The following GRHL2 variants were observed in gnomAD, a reference collection of about 807,000 sequenced individuals.
The protein encoded by GRHL2 is grainyhead like transcription factor 2, also known as grainyhead-like protein 2 homolog.
In GRHL2, 21 loss-of-function variants were observed where a neutral mutation model predicts 83.8. That is an observed-to-expected ratio of 0.25 (90% CI 0.18 to 0.36). The LOEUF (loss-of-function observed/expected upper bound fraction) is 0.36, where lower values mean the gene tolerates loss of function less well. GRHL2 is among the 10% of genes least tolerant of loss of function. The pLI, the probability that GRHL2 is intolerant of heterozygous loss-of-function variation, is 1.00. For missense variants in GRHL2, 623 were observed against 781.8 expected (o/e 0.80, Z 2.42); for synonymous variants, 280 against 278.9 (o/e 1.00, Z -0.04).
Position 101,666,762 on chromosome 8 carries a change from C to G in GRHL2, c.*59C>G. On this transcript the variant is annotated 3_prime_UTR_variant, in exon 16 of 16. Coordinates refer to ENST00000646743, the MANE Select transcript of GRHL2 (RefSeq NM_024915.4). ...TCAGTGCGTTCCTCCCTGAGAGAGA[C>G]AGAAGCCCCAGCCCCAGAACCTGGA... 1.0e-6 allele frequency: 1 copy of G among 993,570 alleles called. No individual in the cohort carries two copies. Among genetic ancestry groups the G allele is most frequent in the East Asian group, 2.4e-5 (1 of 41,896 alleles). The allele number at this position is 993,570 out of a possible 1,614,324, so 61.5% of individuals were successfully genotyped here. A position where few individuals can be genotyped will look rare whatever the true frequency, so the allele number is the denominator to read the frequency against.
chr8:101,494,190 T>C (rs1586388818), intron 1 of GRHL2, among the ~76,000 whole-genome samples: 2 of 151,738 alleles, frequency 1.3e-5, no homozygotes, highest in African/African-American at 4.8e-5. Context: ...CATGGAGAAG[T>C]GGCGGGGACC....
chr8:101,643,369 CAAAAAAAAAAAAA>C (rs56301334), intron 12 of GRHL2, among the ~76,000 whole-genome samples: 2 of 96,988 alleles, frequency 2.1e-5, no homozygotes, highest in African/African-American at 3.6e-5. Context: ...CTGTTTCTCT[CAAAAAAAAAAAAA>C]AAAAAAAAAA....
chr8:101,662,649 A>T (rs910481723), intron 14 of GRHL2, among the ~76,000 whole-genome samples: 1 of 152,240 alleles, frequency 6.6e-6, no homozygotes. Context: ...TAGAGAGGGT[A>T]TGAAAGACAT....
chr8:101,633,089 T>C (rs1813220152), intron 11 of GRHL2, among the ~76,000 whole-genome samples: 1 of 152,216 alleles, frequency 6.6e-6, no homozygotes, highest in Admixed American at 6.5e-5. Flanking sequence ...GTTCATATTA[T>C]GATCCCAAAT....
At chr8:101,559,011 G>T (rs887720665) in intron 4 of GRHL2, among the ~76,000 whole-genome samples, 199 bp downstream of exon 4, 2 of 152,100 alleles carry the variant, frequency 1.3e-5, no homozygotes, top group African/African-American at 4.8e-5. Context: ...GTATGTGTAT[G>T]GAGGAATATT....
At chr8:101,607,610 A>G (rs1812657490) in intron 8 of GRHL2, among the ~76,000 whole-genome samples, 1 of 152,224 alleles carries the variant, frequency 6.6e-6, no homozygotes. Flanking sequence ...ATTACAGAAC[A>G]TATCTCATGG....
At position 101,666,715 on chromosome 8, in the gene GRHL2, GC is replaced by G; in HGVS notation, c.*13del. The G allele has an allele frequency of 6.5e-7, 1 of 1,550,160 alleles. No individual in the cohort carries two copies. The highest frequency in any genetic ancestry group is 8.9e-7 in the Non-Finnish European group (1 of 1,121,834). ...TCATGGAAATCTAGCCCTGGGTTTG[GC>G]ATCCGCTTTGGCTGGAGCTCTCAGT... On this transcript the variant is annotated 3_prime_UTR_variant, in exon 16 of 16. Coordinates refer to ENST00000646743, the MANE Select transcript of GRHL2 (RefSeq NM_024915.4).
chr8:101,610,673 T>G (rs780215312), intron 8 of GRHL2, among the ~76,000 whole-genome samples: 8 of 151,044 alleles, frequency 5.3e-5, no homozygotes, highest in Non-Finnish European at 1.0e-4. Context: ...AAGAAGAAAG[T>G]GAGTCCCAGA....
chr8:101,609,219 G>A lies in GRHL2; in HGVS notation c.1098+10068G>A, dbSNP rs545625192. Among the ~76,000 whole-genome samples the A allele has an allele frequency of 1.9e-3, 291 of 149,674 alleles. 22 individuals carry two copies. Among genetic ancestry groups the A allele is most frequent in the African/African-American group, 7.1e-3 (282 of 39,606 alleles). The stretch of plus-strand genomic sequence containing the variant: ...GAAGAAGAACAGGGAAGGAAGGAAG[G>A]GGAAGGAGAACGAAGAGGACAAGGA... On this transcript the variant is annotated intron_variant, in intron 8 of 15. Coordinates refer to ENST00000646743, the MANE Select transcript of GRHL2 (RefSeq NM_024915.4).
chr8:101,512,830 G>C (rs985460040), intron 1 of GRHL2, among the ~76,000 whole-genome samples: 3 of 152,170 alleles, frequency 2.0e-5, no homozygotes, highest in Non-Finnish European at 2.9e-5. Context: ...CTATAGCAAA[G>C]TACTGGGTGG....
At chr8:101,507,978 G>T (rs1449843742) in intron 1 of GRHL2, among the ~76,000 whole-genome samples, 2 of 151,768 alleles carry the variant, frequency 1.3e-5, no homozygotes, top group Non-Finnish European at 2.9e-5. Flanking sequence ...GAATATTGGG[G>T]TTTTGCTATG....
In GRHL2 at chr8:101,492,789, A is replaced by T; in HGVS notation, c.20A>T (p.Asn7Ile). ...TCAAACATGTCACAAGAGTCGGACA[A>T]GTAAGTGGATCACACGCGCCGGCTG... MSQESD[N>I]NKRLVALVPM... Residue 7 changes from asparagine to isoleucine, a missense_variant and splice_region_variant, in exon 1 of 16, where the codon AAT becomes ATT. This residue lies in a region of GRHL2 where 39 missense variants were observed against 34.8 expected (regional missense o/e 1.12). Transcript: ENST00000646743. 6.2e-7 allele frequency: 1 copy of T among 1,614,022 alleles called. No homozygotes were observed. The highest frequency in any genetic ancestry group is 1.1e-5 in the South Asian group (1 of 91,076).
intron 12 of GRHL2, among the ~76,000 whole-genome samples, chr8:101,641,806 A>C (rs796609872): frequency 1.2e-4 from 18 of 152,318 alleles, no homozygotes; most frequent in African/African-American, 4.1e-4. Flanking sequence ...CCGCCCACGG[A>C]TACCAAAATT....
chr8:101,516,463 G>A lies in GRHL2; in HGVS notation c.20+23674G>A, dbSNP rs1446173686. 2.1e-5 allele frequency among the ~76,000 whole-genome samples: 3 copies of A among 145,964 alleles called. No individual in the cohort carries two copies. The Admixed American group carries it at 2.1e-4, about 10-fold the overall frequency. ...AGGGTCTCCCTCTGTGGCCAGGCTG[G>A]AGGGAGTGCAATGGTGTGATTATGG... On this transcript the variant is annotated intron_variant, in intron 1 of 15. Transcript: ENST00000646743.
chr8:101,645,566 T>G (rs116742577), intron 13 of GRHL2, among the ~76,000 whole-genome samples: 2,188 of 152,242 alleles, frequency 0.014, 59 homozygotes, highest in African/African-American at 0.05. Flanking sequence ...CCTGCAGTTT[T>G]GTGACCTTGG....
intron 13 of GRHL2, among the ~76,000 whole-genome samples, chr8:101,646,520 G>T (rs1397489078): frequency 2.0e-5 from 3 of 152,216 alleles, no homozygotes; most frequent in African/African-American, 4.8e-5. Flanking sequence ...CTTTGGAAAA[G>T]GTCAGTGGGG....
intron 3 of GRHL2, among the ~76,000 whole-genome samples, chr8:101,557,614 G>T (rs1370752438): frequency 2.0e-5 from 3 of 152,098 alleles, no homozygotes; most frequent in Non-Finnish European, 4.4e-5. Flanking sequence ...GGTTTGTTCA[G>T]GTCAAGATCC....
intron 1 of GRHL2, among the ~76,000 whole-genome samples, chr8:101,506,632 T>A (rs1375350976): frequency 6.6e-6 from 1 of 152,218 alleles, no homozygotes; most frequent in Non-Finnish European, 1.5e-5. Flanking sequence ...ATGTAAAGGT[T>A]TTTATCTCCG....
At chr8:101,534,548 G>T (rs149733830) in intron 1 of GRHL2, among the ~76,000 whole-genome samples, 2 of 152,106 alleles carry the variant, frequency 1.3e-5, no homozygotes, top group African/African-American at 4.8e-5. Context: ...CCCTGGTCCA[G>T]TGTGGGAGAG....
Sources: gnomAD v4.1 joint callset for allele counts (sites outside exome capture counted in the v4.1 genomes callset) on GRCh38, gnomAD v4.1.1 for gene constraint, gnomAD v4.1.1 regional missense constraint, MANE v1.5 for transcripts, NCBI Gene and HGNC (gene_info 2026-07-23, HGNC 2026-07-21) for gene names.